Variants in ABCC1 observed in about 807,000 individuals in gnomAD.
ABCC1 encodes ATP binding cassette subfamily C member 1 (ABCC1 blood group).
A neutral mutation model predicts 172.9 loss-of-function variants in ABCC1; 83 were observed. That is an observed-to-expected ratio of 0.48 (90% confidence interval 0.40 to 0.58). The LOEUF is 0.58. Ranked by LOEUF, ABCC1 falls within the 20% of genes least tolerant of loss-of-function variation. The pLI, the probability that ABCC1 is intolerant of heterozygous loss-of-function variation, is 0.00. For synonymous variants in ABCC1, 937 were observed against 825.2 expected, an observed-to-expected ratio of 1.14 and a Z score of -2.32; for missense variants, 1,817 against 2,002.7, an observed-to-expected ratio of 0.91 and a Z score of 1.77.
At chr16:16,056,317 C>A in intron 12 of ABCC1, 22 bp downstream of exon 12, 1 of 1,613,550 alleles carries the variant, frequency 6.2e-7, no homozygotes, top group South Asian at 1.1e-5. Context: ...CACATTTTTC[C>A]TGGCCCTCAT....
At chr16:16,111,323 T>TGGGGCG in intron 21 of ABCC1, 52 bp from the exon 22 acceptor site, 1 of 1,540,246 alleles carries the variant, frequency 6.5e-7, no homozygotes, top group Non-Finnish European at 9.0e-7. Flanking sequence ...GGGCTGGGGC[T>TGGGGCG]GGGGCTGGGT....
intron 19 of ABCC1, chr16:16,098,907 G>C: frequency 7.4e-6 from 10 of 1,352,082 alleles, no homozygotes; most frequent in Admixed American, 1.9e-5. Context: ...AAGCAGGTCA[G>C]TACTGCCCGG....
rs888658326 is a variant in ABCC1, at chr16:16,016,522, C to T, written c.516C>T (p.Asp172=). The T allele has an allele frequency of 1.2e-6, 2 of 1,614,042 alleles. No homozygotes were observed. Among genetic ancestry groups the T allele is most frequent in the African/African-American group, 1.3e-5 (1 of 74,926 alleles). The part of the protein sequence containing the change: ...KEDAQVDLFR[D]ITFYVYFSLL... ...ATGCCCAGGTGGACCTGTTTCGTGA[C>T]ATCACTTTCTACGTCTACTTTTCCC... The change falls in exon 5 of 31, where the codon GAC becomes GAT. Residue 172 remains aspartate (D), a synonymous_variant. Transcript: ENST00000399410.
At chr16:16,080,460 C>A (rs779801497) in intron 16 of ABCC1, among the ~76,000 whole-genome samples, 9 of 152,258 alleles carry the variant, frequency 5.9e-5, no homozygotes, top group Non-Finnish European at 8.8e-5. Flanking sequence ...TAAGAGGCTC[C>A]TTTACAAATA....
chr16:16,115,637 G>A (rs1407219365), intron 23 of ABCC1, among the ~76,000 whole-genome samples: 1 of 152,102 alleles, frequency 6.6e-6, no homozygotes. Context: ...GTGAGCCACT[G>A]CGTCCAGCCT....
At chr16:16,083,892 C>T (rs192904867) in intron 17 of ABCC1, among the ~76,000 whole-genome samples, 1 of 152,268 alleles carries the variant, frequency 6.6e-6, no homozygotes, top group African/African-American at 2.4e-5. Context: ...GTCACTTGGC[C>T]AAGCTCAAAG....
chr16:16,017,632 C>T (rs2048048687), intron 5 of ABCC1, among the ~76,000 whole-genome samples: 1 of 152,100 alleles, frequency 6.6e-6, no homozygotes, highest in Non-Finnish European at 1.5e-5. Flanking sequence ...TGGTCTCAAA[C>T]CCCTGGGCTC....
chr16:15,987,596 A>G (rs897479618), intron 1 of ABCC1, among the ~76,000 whole-genome samples: 41 of 152,318 alleles, frequency 2.7e-4, no homozygotes, highest in African/African-American at 9.6e-4. Flanking sequence ...AAAACCCAGG[A>G]TGTTTCCAAA....
Position 16,132,659 on chromosome 16 carries a change from C to T in ABCC1, c.3966+724C>T, listed in dbSNP as rs1000378918. Among the ~76,000 whole-genome samples, 30 of 151,330 alleles carry T rather than the reference C, an allele frequency of 2.0e-4. No individual in the cohort carries two copies. The South Asian group carries it at 2.7e-3, about 14-fold the overall frequency. On this transcript the variant is annotated intron_variant, in intron 27 of 30. Transcript: ENST00000399410. ...GCCTTAGCCTCCCGAGTAGCTGGGA[C>T]TACAGGCATGCGCCACCATGCCTAG...
At chr16:16,016,377 C>T in intron 4 of ABCC1, 119 bp from the exon 5 acceptor site, 1 of 1,308,912 alleles carries the variant, frequency 7.6e-7, no homozygotes, top group Non-Finnish European at 1.1e-6. Context: ...TGGTCTCCAA[C>T]TCTTGACCTC....
intron 24 of ABCC1, among the ~76,000 whole-genome samples, chr16:16,123,828 C>A (rs2045279069): frequency 6.6e-6 from 1 of 151,938 alleles, no homozygotes; most frequent in Admixed American, 6.6e-5. Flanking sequence ...CCTGGGCACT[C>A]TAGGGAGACC....
chr16:16,043,471 T>C (rs1170622829), intron 7 of ABCC1, among the ~76,000 whole-genome samples: 1 of 150,652 alleles, frequency 6.6e-6, no homozygotes, highest in Non-Finnish European at 1.5e-5. Flanking sequence ...GCTGATTTTG[T>C]ATTTTTAGTA....
intron 18 of ABCC1, among the ~76,000 whole-genome samples, chr16:16,089,433 A>G (rs1471310870): frequency 6.6e-6 from 1 of 152,026 alleles, no homozygotes; most frequent in Non-Finnish European, 1.5e-5. Flanking sequence ...CTGTAGTCCC[A>G]GCTACTTGGG....
intron 24 of ABCC1, among the ~76,000 whole-genome samples, chr16:16,122,425 A>G (rs1262393925): frequency 2.0e-5 from 3 of 152,278 alleles, no homozygotes; most frequent in East Asian, 1.9e-4. Flanking sequence ...AAGCCCTGCA[A>G]GTGCTTCCCG....
At chr16:15,982,826 G>GAAAAAAAAAAAAAAAAAA (rs1272269895) in intron 1 of ABCC1, among the ~76,000 whole-genome samples, 36 of 43,646 alleles carry the variant, frequency 8.2e-4, no homozygotes, top group South Asian at 1.5e-3. Context: ...AAAAAAAAAG[G>GAAAAAAAAAAAAAAAAAA]AAATCCATTC....
intron 1 of ABCC1, among the ~76,000 whole-genome samples, chr16:15,969,759 C>T (rs1567279192): frequency 1.3e-5 from 2 of 151,896 alleles, no homozygotes; most frequent in Non-Finnish European, 2.9e-5. Context: ...GTATCTTAGA[C>T]CCTCTCAGGA....
chr16:16,120,770 T>G, intron 23 of ABCC1, among the ~76,000 whole-genome samples: 1 of 151,936 alleles, frequency 6.6e-6, no homozygotes. Flanking sequence ...GGAAGAAGCA[T>G]GGTTGGCAAC....
intron 21 of ABCC1, among the ~76,000 whole-genome samples, chr16:16,107,129 A>G (rs1408065341): frequency 1.8e-4 from 28 of 152,164 alleles, no homozygotes; most frequent in East Asian, 1.9e-4. Context: ...TCTCTGCTCT[A>G]TTGACTGCCT....
At chr16:15,980,314 C>G (rs2046593190) in intron 1 of ABCC1, among the ~76,000 whole-genome samples, 1 of 152,104 alleles carries the variant, frequency 6.6e-6, no homozygotes, top group Non-Finnish European at 1.5e-5. Context: ...AGACCAGCCT[C>G]AGCAACAAAG....
Sources: allele counts gnomAD v4.1 joint callset (sites outside exome capture counted in the v4.1 genomes callset), GRCh38; gene constraint gnomAD v4.1.1; transcripts MANE v1.5; gene names NCBI Gene and HGNC (gene_info 2026-07-23, HGNC 2026-07-21).